Variants in XRCC4 observed in about 807,000 individuals in gnomAD.
The protein encoded by XRCC4 is DNA repair protein XRCC4.
In XRCC4, 28 loss-of-function variants were observed where a neutral mutation model predicts 39.1. That is an observed-to-expected ratio of 0.72 (90% CI 0.53 to 0.98). XRCC4 has a LOEUF of 0.98. XRCC4 is among the 50% of genes least tolerant of loss of function. The pLI is 0.00. For synonymous variants in XRCC4, 123 were observed against 126.4 expected (o/e 0.97, Z 0.18); for missense variants, 350 against 376.4 (o/e 0.93, Z 0.58).
chr5:83,186,862 T>G (rs76251606), intron 3 of XRCC4, among the ~76,000 whole-genome samples: 1 of 152,064 alleles, frequency 6.6e-6, no homozygotes, highest in East Asian at 1.9e-4. Flanking sequence ...TTCTGGAGGC[T>G]CTACAGGAGA....
At chr5:83,351,648 C>T (rs1222525423) in intron 7 of XRCC4, among the ~76,000 whole-genome samples, 4 of 152,132 alleles carry the variant, frequency 2.6e-5, no homozygotes, top group South Asian at 2.1e-4. Flanking sequence ...ATTTTAACAT[C>T]GCAAATCCCA....
intron 6 of XRCC4, among the ~76,000 whole-genome samples, chr5:83,247,122 T>C (rs890522614): frequency 2.6e-5 from 4 of 152,210 alleles, no homozygotes; most frequent in Non-Finnish European, 5.9e-5. Context: ...CCACAAACAG[T>C]GGTTTTAATC....
At chr5:83,089,506 C>A (rs1205301891) in intron 1 of XRCC4, among the ~76,000 whole-genome samples, 1 of 152,130 alleles carries the variant, frequency 6.6e-6, no homozygotes, top group African/African-American at 2.4e-5. Context: ...TTCAACAATT[C>A]AGTACAATTC....
chr5:83,242,696 C>CT (rs1752959126), intron 6 of XRCC4, among the ~76,000 whole-genome samples: 1 of 152,182 alleles, frequency 6.6e-6, no homozygotes, highest in Admixed American at 6.6e-5. Context: ...ACACTTGCTA[C>CT]TTTAACCTCC....
At chr5:83,350,899 A>G (rs1757060791) in intron 7 of XRCC4, among the ~76,000 whole-genome samples, 1 of 152,096 alleles carries the variant, frequency 6.6e-6, no homozygotes, top group Non-Finnish European at 1.5e-5. Flanking sequence ...ATAGTTTGAA[A>G]TCTTACATTT....
the XRCC4 span, among the ~76,000 whole-genome samples, chr5:83,367,378 C>T: frequency 2.6e-5 from 4 of 152,274 alleles, no homozygotes; most frequent in African/African-American, 9.6e-5. Flanking sequence ...TTTAAATATT[C>T]AAAATAAAAC....
intron 3 of XRCC4, among the ~76,000 whole-genome samples, chr5:83,122,977 T>C (rs1747083224): frequency 6.6e-6 from 1 of 152,160 alleles, no homozygotes; most frequent in East Asian, 1.9e-4. Flanking sequence ...ATGTTTTGTA[T>C]GCACTTGAAA....
intron 7 of XRCC4, among the ~76,000 whole-genome samples, chr5:83,300,886 A>G (rs1422947831): frequency 6.6e-6 from 1 of 152,104 alleles, no homozygotes; most frequent in African/African-American, 2.4e-5. Context: ...AGGTTCATCC[A>G]TGTCCCCTGC....
chr5:83,210,502 C>T (rs1580374919), intron 6 of XRCC4, among the ~76,000 whole-genome samples: 1 of 152,010 alleles, frequency 6.6e-6, no homozygotes, highest in African/African-American at 2.4e-5. Context: ...AGATTAAGTA[C>T]GTTACTTTTG....
At chr5:83,330,387 TA>T in intron 7 of XRCC4, among the ~76,000 whole-genome samples, 1 of 152,152 alleles carries the variant, frequency 6.6e-6, no homozygotes, top group Non-Finnish European at 1.5e-5. Flanking sequence ...CATTGAAAAT[TA>T]AAAATATTTA....
At chr5:83,219,049 G>A (rs1450402122) in intron 6 of XRCC4, among the ~76,000 whole-genome samples, 2 of 152,040 alleles carry the variant, frequency 1.3e-5, no homozygotes, top group Non-Finnish European at 2.9e-5. Flanking sequence ...AGGGCTTTGA[G>A]GGAATGATTT....
intron 3 of XRCC4, among the ~76,000 whole-genome samples, chr5:83,112,633 G>T (rs1746496963): frequency 6.6e-6 from 1 of 152,130 alleles, no homozygotes; most frequent in Non-Finnish European, 1.5e-5. Context: ...AAAGGAAAAA[G>T]ATTTAATTGA....
intron 7 of XRCC4, among the ~76,000 whole-genome samples, chr5:83,338,927 T>C (rs905179949): frequency 3.9e-5 from 6 of 152,202 alleles, no homozygotes; most frequent in Non-Finnish European, 8.8e-5. Flanking sequence ...AGTAGTGACA[T>C]ATAACTTTTT....
chr5:83,187,982 A>G (rs1189168609), intron 3 of XRCC4, among the ~76,000 whole-genome samples: 1 of 152,180 alleles, frequency 6.6e-6, no homozygotes, highest in African/African-American at 2.4e-5. Context: ...TAGCAACTAG[A>G]GGGATATGGG....
At chr5:83,162,455 T>C (rs1294412183) in intron 3 of XRCC4, among the ~76,000 whole-genome samples, 1 of 152,166 alleles carries the variant, frequency 6.6e-6, no homozygotes, top group African/African-American at 2.4e-5. Flanking sequence ...AGATTCCTGT[T>C]TGAATTCAAT....
chr5:83,136,977 G>A (rs950156001), intron 3 of XRCC4, among the ~76,000 whole-genome samples: 6 of 152,142 alleles, frequency 3.9e-5, no homozygotes, highest in African/African-American at 1.4e-4. Context: ...AGAGGTAACC[G>A]TGTGGTGATA....
chr5:83,116,557 A>T (rs1213224471), intron 3 of XRCC4, among the ~76,000 whole-genome samples: 1 of 151,536 alleles, frequency 6.6e-6, no homozygotes, highest in Non-Finnish European at 1.5e-5. Flanking sequence ...ATATTTTGAA[A>T]ATCCTGTCTT....
intron 1 of XRCC4, among the ~76,000 whole-genome samples, chr5:83,098,016 C>T (rs1745758394): frequency 6.6e-6 from 1 of 151,692 alleles, no homozygotes; most frequent in South Asian, 2.1e-4. Flanking sequence ...TTAATACCCA[C>T]TTATAGTGTT....
chr5:83,255,128 C>T (rs776876243), intron 6 of XRCC4, among the ~76,000 whole-genome samples: 1 of 151,232 alleles, frequency 6.6e-6, no homozygotes, highest in Non-Finnish European at 1.5e-5. Flanking sequence ...GAAAAATGTT[C>T]GAGATGAGCA....
Sources: gnomAD v4.1 joint callset for allele counts (sites outside exome capture counted in the v4.1 genomes callset) on GRCh38, gnomAD v4.1.1 for gene constraint, MANE v1.5 for transcripts, NCBI Gene and HGNC (gene_info 2026-07-23, HGNC 2026-07-21) for gene names.